ARHGAP18: variants seen among roughly 807,000 people sequenced by gnomAD.
ARHGAP18 encodes the protein Rho GTPase activating protein 18, also known as rho GTPase-activating protein 18.
A neutral mutation model predicts 86.2 loss-of-function variants in ARHGAP18; 67 were observed. That is an observed-to-expected ratio of 0.78 (90% CI 0.64 to 0.95). ARHGAP18 has a LOEUF of 0.95. Among genes scored for constraint, ARHGAP18 ranks in the 40% least tolerant of loss-of-function variants. ARHGAP18 has a pLI of 0.00. For synonymous variants in ARHGAP18, 283 were observed against 280.4 expected (o/e 1.01, Z -0.09); for missense variants, 691 against 780.4 (o/e 0.89, Z 1.37).
intron 11 of ARHGAP18, 58 bp from the exon 12 acceptor site, chr6:129,599,414 A>C (rs902536521): frequency 1.5e-6 from 2 of 1,328,416 alleles, no homozygotes; most frequent in African/African-American, 3.1e-5. Context: ...ATTTTAAACT[A>C]CAAAAAAAAA....
chr6:129,595,246 A>T (rs1486250388), intron 12 of ARHGAP18, among the ~76,000 whole-genome samples: 1 of 152,200 alleles, frequency 6.6e-6, no homozygotes, highest in East Asian at 1.9e-4. Flanking sequence ...ACTGACTCGT[A>T]ACTTCTTTTA....
At position 129,600,635 on chromosome 6, in the gene ARHGAP18, T is replaced by C. The variant is rs1400213047; in HGVS notation, c.1572+7A>G. ...TACTAAGACCAAAGCATATGATATA[T>C]ACTTACTGTCCACAGAAGTTTTTGG... On this transcript the variant is annotated splice_region_variant and intron_variant, in intron 11 of 14. Coordinates refer to ENST00000368149, the MANE Select transcript of ARHGAP18 (RefSeq NM_033515.3). 1.2e-6 allele frequency: 2 copies of C among 1,611,088 alleles called. No individual in the cohort carries two copies. The highest frequency in any genetic ancestry group is 1.7e-6 in the Non-Finnish European group (2 of 1,177,672).
At chr6:129,613,644 A>G (rs1406621118) in intron 7 of ARHGAP18, among the ~76,000 whole-genome samples, 1 of 152,232 alleles carries the variant, frequency 6.6e-6, no homozygotes, top group Non-Finnish European at 1.5e-5. Flanking sequence ...GCTAAAAACC[A>G]GCACCCAATA....
chr6:129,691,698 C>T (rs577746443), intron 1 of ARHGAP18, among the ~76,000 whole-genome samples: 1 of 152,242 alleles, frequency 6.6e-6, no homozygotes, highest in East Asian at 1.9e-4. Context: ...AACTACCCAA[C>T]AATGGCAATA....
At chr6:129,603,527 A>ACCTCT (rs1788792076) in intron 10 of ARHGAP18, among the ~76,000 whole-genome samples, 1 of 152,188 alleles carries the variant, frequency 6.6e-6, no homozygotes, top group Admixed American at 6.6e-5. Context: ...ATTACTTAGT[A>ACCTCT]GCTGGGTATG....
intron 12 of ARHGAP18, among the ~76,000 whole-genome samples, chr6:129,596,079 A>G (rs1788610497): frequency 6.6e-6 from 1 of 152,140 alleles, no homozygotes; most frequent in Non-Finnish European, 1.5e-5. Flanking sequence ...CTTTTAGTCT[A>G]TTCTCAACAC....
intron 1 of ARHGAP18, among the ~76,000 whole-genome samples, chr6:129,698,442 C>A (rs551106630): frequency 1.3e-5 from 2 of 152,124 alleles, no homozygotes; most frequent in South Asian, 4.1e-4. Context: ...ATCTCTACAG[C>A]CAAACCACCA....
intron 1 of ARHGAP18, among the ~76,000 whole-genome samples, chr6:129,647,416 AGTCT>A (rs1216734535): frequency 1.3e-5 from 2 of 152,192 alleles, no homozygotes; most frequent in Non-Finnish European, 2.9e-5. Flanking sequence ...CTTTCTATCC[AGTCT>A]GTCTCCTGCT....
chr6:129,638,976 C>G (rs1013869532), intron 2 of ARHGAP18, among the ~76,000 whole-genome samples: 1 of 152,128 alleles, frequency 6.6e-6, no homozygotes, highest in Non-Finnish European at 1.5e-5. Flanking sequence ...GAAGTCAATG[C>G]TGGGGCTATA....
chr6:129,604,773 CT>C (rs1295348597), intron 10 of ARHGAP18, among the ~76,000 whole-genome samples: 3 of 152,114 alleles, frequency 2.0e-5, no homozygotes, highest in East Asian at 3.8e-4. Context: ...AAGCAAAAGG[CT>C]TTTTTTCTGA....
intron 12 of ARHGAP18, among the ~76,000 whole-genome samples, chr6:129,595,889 C>T (rs187371090): frequency 3.6e-4 from 55 of 152,260 alleles, no homozygotes; most frequent in Middle Eastern, 3.4e-3. Context: ...TCATTTTTGA[C>T]CTCTTTTGTT....
chr6:129,587,844 A>T (rs1254250609), intron 12 of ARHGAP18, among the ~76,000 whole-genome samples: 1 of 152,164 alleles, frequency 6.6e-6, no homozygotes, highest in Non-Finnish European at 1.5e-5. Flanking sequence ...TCATGTCCTC[A>T]CATTTCAAAA....
intron 1 of ARHGAP18, among the ~76,000 whole-genome samples, chr6:129,664,530 C>CT (rs1774006106): frequency 1.3e-5 from 2 of 151,922 alleles, no homozygotes; most frequent in Admixed American, 1.3e-4. Flanking sequence ...AATGTGGTGT[C>CT]TTAGGAGTCA....
chr6:129,634,006 GA>G (rs113829468), intron 4 of ARHGAP18, 35 bp downstream of exon 4: 22,863 of 1,378,308 alleles, frequency 0.017, 73 homozygotes, highest in Admixed American at 0.095. Flanking sequence ...TTAAAGGGCG[GA>G]AAAAAAAAAA....
intron 12 of ARHGAP18, among the ~76,000 whole-genome samples, chr6:129,590,412 T>C (rs939002291): frequency 2.6e-5 from 4 of 152,178 alleles, no homozygotes; most frequent in African/African-American, 7.2e-5. Flanking sequence ...CCCAAGATAC[T>C]AGCTTCTGGG....
rs71028169 is a variant in ARHGAP18, at chr6:129,626,065, T to TACACACACACACAC, written c.786+3274_786+3287dup. Among the ~76,000 whole-genome samples the TACACACACACACAC allele has an allele frequency of 2.3e-3, 236 of 101,530 alleles. 2 individuals carry two copies. Among genetic ancestry groups the TACACACACACACAC allele is most frequent in the East Asian group, 6.8e-3 (26 of 3,828 alleles). The allele number at this position is 101,530 out of a possible 152,430, so 66.6% of individuals were successfully genotyped here. A position where few individuals can be genotyped will look rare whatever the true frequency, so the allele number is the denominator to read the frequency against. ...ACACACACACATATATATACACATA[T>TACACACACACACAC]ACACACACACACACACACACACACA... On this transcript the variant is annotated intron_variant, in intron 5 of 14. Transcript: ENST00000368149.
rs1788212079 is a variant in ARHGAP18, at chr6:129,577,901, A to C, written c.*612T>G. The C allele has an allele frequency of 1.3e-5, 2 of 152,192 alleles. No homozygotes were observed. Among genetic ancestry groups the C allele is most frequent in the African/African-American group, 4.8e-5 (2 of 41,456 alleles). 9.4% of individuals were successfully genotyped at this position (152,192 alleles called of 1,614,324 possible). On this transcript the variant is annotated 3_prime_UTR_variant, in exon 15 of 15. Coordinates refer to ENST00000368149, the MANE Select transcript of ARHGAP18 (RefSeq NM_033515.3). ...ATACGGTTCTGTGAACATAAGTCAG[A>C]TGAACTGAAAAAAAATGCAAATCAC...
At chr6:129,661,953 T>C (rs1023815738) in intron 1 of ARHGAP18, 29 of 980,010 alleles carry the variant, frequency 3.0e-5, no homozygotes, top group African/African-American at 2.7e-4. Flanking sequence ...GGTGACACTG[T>C]TGTCACTACC....
chr6:129,612,146 G>T (rs1277968828), intron 7 of ARHGAP18, among the ~76,000 whole-genome samples: 1 of 152,112 alleles, frequency 6.6e-6, no homozygotes, highest in African/African-American at 2.4e-5. Context: ...CAATGAATAC[G>T]CTGATCTAAC....
Sources: gnomAD v4.1 joint callset for allele counts (sites outside exome capture counted in the v4.1 genomes callset) on GRCh38, gnomAD v4.1.1 for gene constraint, MANE v1.5 for transcripts, NCBI Gene and HGNC (gene_info 2026-07-23, HGNC 2026-07-21) for gene names.